Variants in CPNE4 observed in about 807,000 individuals in gnomAD.
CPNE4 encodes copine 4, also known as copine-4.
In CPNE4, 25 loss-of-function variants were observed where a neutral mutation model predicts 67.9. That is an observed-to-expected ratio of 0.37 (90% CI 0.27 to 0.51). CPNE4 has a LOEUF of 0.51. Among genes scored for constraint, CPNE4 ranks in the 20% least tolerant of loss-of-function variants. The pLI, the probability that CPNE4 is intolerant of heterozygous loss-of-function variation, is 0.93. For synonymous variants in CPNE4, 242 were observed against 244.9 expected (o/e 0.99, Z 0.11); for missense variants, 464 against 690.8 (o/e 0.67, Z 3.68).
intron 2 of CPNE4, among the ~76,000 whole-genome samples, chr3:131,882,480 T>C (rs1034704261): frequency 6.6e-6 from 1 of 152,160 alleles, no homozygotes; most frequent in African/African-American, 2.4e-5. Context: ...ATTGGTATGA[T>C]CGTTCCAGAT....
At chr3:131,781,832 A>G (rs1471576414) in intron 2 of CPNE4, among the ~76,000 whole-genome samples, 1 of 151,862 alleles carries the variant, frequency 6.6e-6, no homozygotes, top group Non-Finnish European at 1.5e-5. Flanking sequence ...TTTTTGTCTT[A>G]TTTTCCTTGT....
intron 11 of CPNE4, among the ~76,000 whole-genome samples, chr3:131,557,725 T>C (rs1213578264): frequency 6.6e-6 from 1 of 152,034 alleles, no homozygotes; most frequent in Non-Finnish European, 1.5e-5. Context: ...GGAGAAAATA[T>C]ACTTCTGGGT....
chr3:131,950,047 T>G (rs2071676251), intron 1 of CPNE4, among the ~76,000 whole-genome samples: 2 of 152,204 alleles, frequency 1.3e-5, no homozygotes, highest in South Asian at 4.1e-4. Flanking sequence ...TCTTGTTATT[T>G]GCAGTAGTTA....
At chr3:131,672,664 C>G (rs1244930550) in intron 6 of CPNE4, among the ~76,000 whole-genome samples, 2 of 152,034 alleles carry the variant, frequency 1.3e-5, no homozygotes, top group African/African-American at 4.8e-5. Context: ...TATCTTTTGC[C>G]CATTTCCAAA....
intron 1 of CPNE4, among the ~76,000 whole-genome samples, chr3:131,989,844 G>A (rs909726943): frequency 1.5e-5 from 2 of 135,902 alleles, no homozygotes; most frequent in Non-Finnish European, 3.3e-5. Context: ...TGAGAATAAC[G>A]TTCTGGTGAG....
At position 131,960,202 on chromosome 3, in the gene CPNE4, G is replaced by A. The variant is rs189554964; in HGVS notation, c.-1-54758C>T. Reference sequence around the variant, plus strand: ...TTATAATCATATTACTTCAGAAACCGTTACTGCTTGAAAAATGCTGGTAAT... The same window carrying A: ...TTATAATCATATTACTTCAGAAACCATTACTGCTTGAAAAATGCTGGTAAT... On this transcript the variant is annotated intron_variant, in intron 1 of 15. Transcript: ENST00000429747. Among the ~76,000 whole-genome samples the A allele has an allele frequency of 1.3e-4, 20 of 152,048 alleles. No individual in the cohort carries two copies. In the East Asian group the frequency reaches 2.7e-3, roughly 21 times the overall value.
rs913378536 is a variant in CPNE4 at position 131,550,010 on chromosome 3, A to T, written c.1239T>A (p.Ile413=). Residue 413 remains isoleucine (I), a synonymous_variant, in exon 14 of 16, where the codon ATT becomes ATA. Transcript: ENST00000429747. ...TGGCAACCTTCTGGATGATGGGGGCAATGTTGGTGGGACCGTAGAGTTGGA... is the reference window on the plus strand; with the variant it reads ...TGGCAACCTTCTGGATGATGGGGGCTATGTTGGTGGGACCGTAGAGTTGGA... ...PKLQLYGPTN[I]APIIQKVAKS... is the part of the protein sequence containing the mutation. The T allele has an allele frequency of 1.2e-6, 2 of 1,613,282 alleles. No individual in the cohort carries two copies. The highest frequency in any genetic ancestry group is 1.7e-6 in the Non-Finnish European group (2 of 1,179,486).
chr3:131,820,686 T>C (rs140025070), intron 2 of CPNE4, among the ~76,000 whole-genome samples: 47 of 152,376 alleles, frequency 3.1e-4, no homozygotes, highest in African/African-American at 1.0e-3. Flanking sequence ...ATTTCTGTTC[T>C]TAAAAATAAC....
At chr3:131,969,104 G>T (rs1160567003) in intron 1 of CPNE4, among the ~76,000 whole-genome samples, 1 of 151,828 alleles carries the variant, frequency 6.6e-6, no homozygotes, top group Non-Finnish European at 1.5e-5. Context: ...ACTAACACAG[G>T]AACAGGAAAC....
At chr3:131,633,916 T>G (rs6783008) in intron 7 of CPNE4, among the ~76,000 whole-genome samples, 41,799 of 152,060 alleles carry the variant, frequency 0.27, 9,494 homozygotes, top group African/African-American at 0.63. Context: ...ATTACATTAT[T>G]TAAATTGTTC....
chr3:131,727,383 A>G (rs1170115118), intron 2 of CPNE4, among the ~76,000 whole-genome samples: 2 of 152,116 alleles, frequency 1.3e-5, no homozygotes, highest in Admixed American at 6.6e-5. Flanking sequence ...TCACAAAGTC[A>G]GGAAATCAAG....
intron 7 of CPNE4, among the ~76,000 whole-genome samples, chr3:131,633,290 C>A (rs1443740941): frequency 6.6e-6 from 1 of 152,076 alleles, no homozygotes; most frequent in African/African-American, 2.4e-5. Flanking sequence ...TCCATCATTA[C>A]CTCTCTAAAA....
At chr3:131,641,187 A>G (rs150068754) in intron 7 of CPNE4, among the ~76,000 whole-genome samples, 1 of 152,194 alleles carries the variant, frequency 6.6e-6, no homozygotes, top group South Asian at 2.1e-4. Context: ...TAAACCAAAA[A>G]GCTTCTGCAC....
rs147744043 is a variant in CPNE4 at position 131,905,473 on chromosome 3, A to G, written c.-1-29T>C. ...TTTTAGGCAAGTAAAAGAATAAAAA[A>G]GAAGTGCCAATCACTGCAATATTTG... On this transcript the variant is annotated intron_variant, in intron 1 of 15. Coordinates refer to ENST00000429747, the MANE Select transcript of CPNE4 (RefSeq NM_130808.3). 99 of 1,586,270 alleles carry G rather than the reference A, an allele frequency of 6.2e-5. No individual in the cohort carries two copies. The East Asian group carries it at 2.1e-3, about 34-fold the overall frequency.
At chr3:131,580,167 T>G (rs1937704436) in intron 9 of CPNE4, among the ~76,000 whole-genome samples, 1 of 152,136 alleles carries the variant, frequency 6.6e-6, no homozygotes. Flanking sequence ...GCAAAAAGAT[T>G]ATGACTTACT....
chr3:131,942,445 TGTGTGTGTGTGTGTGTGTGAGAGA>T (rs1367967526), intron 1 of CPNE4, among the ~76,000 whole-genome samples: 1 of 60,460 alleles, frequency 1.7e-5, no homozygotes, highest in African/African-American at 7.5e-5. Flanking sequence ...TGTGTGTGTG[TGTGTGTGTGTGTGTGTGTGAGAGA>T]GAGAGAGAGA....
chr3:131,723,898 A>C (rs141489345), intron 2 of CPNE4, among the ~76,000 whole-genome samples: 4 of 152,234 alleles, frequency 2.6e-5, no homozygotes, highest in African/African-American at 7.2e-5. Context: ...TCATTATATC[A>C]TTATGTCATT....
At chr3:132,020,318 G>C (rs934254141) in intron 1 of CPNE4, among the ~76,000 whole-genome samples, 1 of 152,166 alleles carries the variant, frequency 6.6e-6, no homozygotes, top group African/African-American at 2.4e-5. Flanking sequence ...GAAAACTCTG[G>C]GTACAGCCTG....
chr3:131,543,061 G>C (rs958912786), intron 14 of CPNE4: 2 of 394,238 alleles, frequency 5.1e-6, no homozygotes, highest in African/African-American at 4.0e-5. Context: ...AGAGTTAGGA[G>C]GACAGGCTTC....
Sources: allele counts gnomAD v4.1 joint callset (sites outside exome capture counted in the v4.1 genomes callset), GRCh38; gene constraint gnomAD v4.1.1; transcripts MANE v1.5; gene names NCBI Gene and HGNC (gene_info 2026-07-23, HGNC 2026-07-21).